The following TRPC1 variants were observed in gnomAD, a reference collection of about 807,000 sequenced individuals.
TRPC1 encodes transient receptor potential cation channel subfamily C member 1, also known as short transient receptor potential channel 1.
Under a neutral mutation model 88.2 loss-of-function variants are expected in TRPC1, and 42 were observed. That is an observed-to-expected ratio of 0.48 (90% CI 0.37 to 0.62). The LOEUF is 0.62. Ranked by LOEUF, TRPC1 falls within the 20% of genes least tolerant of loss-of-function variation. The pLI is 0.00. For synonymous variants in TRPC1, 288 were observed against 331.8 expected (o/e 0.87, Z 1.43); for missense variants, 699 against 957.3 (o/e 0.73, Z 3.56).
chr3:142,742,749 T>C (rs1934400341), intron 2 of TRPC1, among the ~76,000 whole-genome samples: 1 of 152,200 alleles, frequency 6.6e-6, no homozygotes, highest in Non-Finnish European at 1.5e-5. Context: ...AAACCTGATG[T>C]TATAGTTGCC....
intron 1 of TRPC1, among the ~76,000 whole-genome samples, chr3:142,732,891 T>G (rs1933978009): frequency 6.6e-6 from 1 of 152,196 alleles, no homozygotes; most frequent in Non-Finnish European, 1.5e-5. Flanking sequence ...TATAACTAGC[T>G]ACTTGCTGTC....
chr3:142,724,429 C>T lies in TRPC1; in HGVS notation c.-131C>T. On this transcript the variant is annotated 5_prime_UTR_variant, in exon 1 of 13. Coordinates refer to ENST00000476941, the MANE Select transcript of TRPC1 (RefSeq NM_001251845.2). This position sits in a 1 kb window ranked among gnomAD's most constrained non-coding sequence, Gnocchi z 5.6. ...GCGACGCCCTTCGGGGCCAACGGGC[C>T]TCGAGCCGAGGCAGCAGTGGGAACG... 5.5e-6 allele frequency: 5 copies of T among 910,176 alleles called. No homozygotes were observed. The highest frequency in any genetic ancestry group is 7.7e-6 in the Non-Finnish European group (5 of 649,384). 56.4% of individuals were successfully genotyped at this position (910,176 alleles called of 1,614,324 possible).
rs771921600 is a variant in TRPC1, at chr3:142,791,178, A to G, written c.1437+20A>G. ...AACAAGGTGACTATTTACTATGTCA[A>G]TTGAAGGCACAAATTAAGTTTATTT... On this transcript the variant is annotated intron_variant, in intron 8 of 12. Transcript: ENST00000476941. 2.5e-6 allele frequency: 4 copies of G among 1,579,496 alleles called. No individual in the cohort carries two copies. Among genetic ancestry groups the G allele is most frequent in the Non-Finnish European group, 3.4e-6 (4 of 1,166,428 alleles).
At chr3:142,773,799 G>A (rs762679150) in intron 4 of TRPC1, among the ~76,000 whole-genome samples, 30 of 147,720 alleles carry the variant, frequency 2.0e-4, no homozygotes, top group Non-Finnish European at 3.4e-4. Flanking sequence ...GTCTATCCCC[G>A]CCCCCCTCTC....
Position 142,791,042 on chromosome 3 carries a change from A to G in TRPC1, c.1321A>G (p.Arg441Gly), listed in dbSNP as rs1936281147. ...IIGMIWSDIK[R>G]LWYEGLEDFL... ...AGGGATGATTTGGTCAGACATTAAA[A>G]GACTCTGGTATGAAGGGTTGGAAGA... The change falls in exon 8 of 13, where the codon AGA (arginine) becomes GGA (glycine). Residue 441 changes from arginine (R) to glycine (G), a missense_variant. Around this residue, in one of 4 missense-constraint regions of TRPC1, gnomAD observed 426 missense variants for 641.3 expected, o/e 0.66. Coordinates refer to ENST00000476941, the MANE Select transcript of TRPC1 (RefSeq NM_001251845.2). The G allele has an allele frequency of 2.5e-6, 4 of 1,604,758 alleles. No homozygotes were observed. The East Asian group carries it at 6.7e-5, about 27-fold the overall frequency.
chr3:142,794,518 T>C (rs1936396267), intron 9 of TRPC1, among the ~76,000 whole-genome samples: 2 of 152,108 alleles, frequency 1.3e-5, no homozygotes, highest in Admixed American at 6.6e-5. Flanking sequence ...TAAACAACAG[T>C]GATCTCTAAG....
Position 142,806,768 on chromosome 3 carries a change from G to GA in TRPC1, c.*539dup, listed in dbSNP as rs1560124419. On this transcript the variant is annotated 3_prime_UTR_variant, in exon 13 of 13. Transcript: ENST00000476941. ...TTTTGTTATAATCTTAAGCAACAAA[G>GA]AAAAAACCCTAATATTTGAATCTAT... is the stretch of plus-strand genomic sequence containing the variant. 1 of 151,676 alleles carries GA rather than the reference G, an allele frequency of 6.6e-6. No homozygotes were observed. The allele number at this position is 151,676 out of a possible 1,614,324, so 9.4% of individuals were successfully genotyped here.
chr3:142,764,451 G>A (rs549130038), intron 4 of TRPC1, among the ~76,000 whole-genome samples: 1 of 152,216 alleles, frequency 6.6e-6, no homozygotes, highest in African/African-American at 2.4e-5. Context: ...GGATCTGGTA[G>A]TGATGAATTG....
chr3:142,736,916 A>G lies in TRPC1; in HGVS notation c.327+383A>G, dbSNP rs148536265. On this transcript the variant is annotated intron_variant, in intron 2 of 12. Coordinates refer to ENST00000476941, the MANE Select transcript of TRPC1 (RefSeq NM_001251845.2). ...AGAGGAATAGTTTTTTTTCTGGCCC[A>G]TATTAGTTACAGACACATCAACAAA... Among the ~76,000 whole-genome samples the G allele has an allele frequency of 1.3e-3, 200 of 152,224 alleles. 1 individual carries two copies. Among genetic ancestry groups the G allele is most frequent in the Non-Finnish European group, 2.3e-3 (154 of 67,978 alleles).
At chr3:142,759,255 T>C (rs996890867) in intron 4 of TRPC1, among the ~76,000 whole-genome samples, 8 of 152,230 alleles carry the variant, frequency 5.3e-5, no homozygotes, top group Admixed American at 5.2e-4. Context: ...CACCACACTG[T>C]CTTTCACAAT....
intron 9 of TRPC1, among the ~76,000 whole-genome samples, chr3:142,798,656 G>A (rs1311434269): frequency 6.6e-6 from 1 of 152,142 alleles, no homozygotes; most frequent in African/African-American, 2.4e-5. Flanking sequence ...GGGAGATGAG[G>A]CTAAAAAAGA....
In TRPC1 at chr3:142,791,115, T is replaced by C. The variant is rs1466855986; in HGVS notation, c.1394T>C (p.Leu465Pro). 6.2e-7 allele frequency: 1 copy of C among 1,610,088 alleles called. No homozygotes were observed. Among genetic ancestry groups the C allele is most frequent in the South Asian group, 1.1e-5 (1 of 90,194 alleles). Reference protein sequence around the residue: ...RNQLSFVMNSLYLATFALKVV... With the variant: ...RNQLSFVMNSPYLATFALKVV... ...CAACTCAGTTTTGTCATGAATTCTC[T>C]TTATTTGGCAACCTTTGCCCTCAAA... Residue 465 changes from leucine to proline, a missense_variant, in exon 8 of 13, where the codon CTT becomes CCT. Transcript: ENST00000476941.
intron 7 of TRPC1, among the ~76,000 whole-genome samples, 188 bp from the exon 8 acceptor site, chr3:142,790,831 G>A (rs182058405): frequency 4.7e-4 from 71 of 151,748 alleles, no homozygotes; most frequent in Admixed American, 3.5e-3. Flanking sequence ...TCTTCAAGTC[G>A]TATGAAAGTT....
At chr3:142,775,616 C>CAA (rs113089324) in intron 4 of TRPC1, among the ~76,000 whole-genome samples, 30 of 141,084 alleles carry the variant, frequency 2.1e-4, no homozygotes, top group African/African-American at 7.8e-4. Flanking sequence ...GAGAGTGTCT[C>CAA]AAAAAAAAAA....
At position 142,801,939 on chromosome 3, in the gene TRPC1, T is replaced by C. The variant is rs183968576; in HGVS notation, c.1582-230T>C. ...ATGTCCTCTGAAACCCTGATCCAGG[T>C]TCTAGGAACGTGCCATCTAACACTG... On this transcript the variant is annotated intron_variant, in intron 9 of 12. Transcript: ENST00000476941. Among the ~76,000 whole-genome samples the C allele has an allele frequency of 2.0e-5, 3 of 152,220 alleles. No individual in the cohort carries two copies. The East Asian group carries it at 5.8e-4, about 29-fold the overall frequency.
At chr3:142,736,596 T>C in intron 2 of TRPC1, 63 bp downstream of exon 2, 1 of 1,351,504 alleles carries the variant, frequency 7.4e-7, no homozygotes, top group Non-Finnish European at 9.8e-7. Context: ...CCATGCTTTC[T>C]TCCCTTCTTG....
rs866163394 is a variant in TRPC1 at position 142,784,741 on chromosome 3, CTGTT to C, written c.1001_1004del (p.Val334GlyfsTer17). The stretch of plus-strand genomic sequence containing the variant: ...TCTAACTGCCAGCAGTTCCTGAACA[CTGTT>C]TGGTTTGGACAGATGTCGGGTTACC... On this transcript the variant is annotated frameshift_variant, in exon 7 of 13. Transcript: ENST00000476941. LOFTEE classifies it high-confidence loss of function. The C allele has an allele frequency of 1.9e-6, 3 of 1,613,794 alleles. No homozygotes were observed. The African/African-American group carries it at 4.0e-5, about 22-fold the overall frequency.
intron 9 of TRPC1, 101 bp downstream of exon 9, chr3:142,793,068 T>C: frequency 9.5e-7 from 1 of 1,053,156 alleles, no homozygotes; most frequent in Non-Finnish European, 1.3e-6. Context: ...ATATTAAAGC[T>C]AAACTTTGCT....
In TRPC1 at chr3:142,792,316, A is replaced by G. The variant is rs560775822; in HGVS notation, c.1438-508A>G. On this transcript the variant is annotated intron_variant, in intron 8 of 12. Transcript: ENST00000476941. The surrounding 1 kb of genome is among the most constrained non-coding windows in gnomAD (Gnocchi z 4.0). ...GCACTATTAATAATTATGCCAGGAC[A>G]ACTGGTACAGCATCTTAAACTATCC... Among the ~76,000 whole-genome samples, 1 of 152,182 alleles carries G rather than the reference A, an allele frequency of 6.6e-6. No individual in the cohort carries two copies. Among genetic ancestry groups the G allele is most frequent in the South Asian group, 2.1e-4 (1 of 4,824 alleles).
Sources: allele counts gnomAD v4.1 joint callset (sites outside exome capture counted in the v4.1 genomes callset), GRCh38; gene constraint gnomAD v4.1.1; regional missense constraint gnomAD v4.1.1; non-coding constraint Gnocchi (gnomAD v3.1); transcripts MANE v1.5; gene names NCBI Gene and HGNC (gene_info 2026-07-23, HGNC 2026-07-21).